ZFR2: variants seen among roughly 807,000 people sequenced by gnomAD.
ZFR2 encodes the protein zinc finger RNA binding protein 2, also known as zinc finger RNA-binding protein 2.
In ZFR2, 104 loss-of-function variants were observed where a neutral mutation model predicts 105.7. The observed-to-expected ratio is 0.98, with a 90% CI of 0.84 to 1.16. The LOEUF (loss-of-function observed/expected upper bound fraction) is 1.16, where lower values mean the gene tolerates loss of function less well. Ranked by LOEUF, ZFR2 falls within the 50% of genes most tolerant of loss-of-function variation. The probability of loss-of-function intolerance (pLI) is 0.00; values close to 1 mark genes in which losing one functional copy is unlikely to be tolerated. For missense variants in ZFR2, 1,425 were observed against 1,355.5 expected (o/e 1.05, Z -0.80); for synonymous variants, 634 against 597.7 (o/e 1.06, Z -0.89).
intron 1 of ZFR2, among the ~76,000 whole-genome samples, chr19:3,860,384 T>C (rs950488907): frequency 2.0e-5 from 3 of 152,056 alleles, no homozygotes; most frequent in African/African-American, 7.2e-5. Context: ...CCGTCTTCTT[T>C]TGAATGGAGT....
At chr19:3,830,566 G>A (rs940941674) in intron 5 of ZFR2, among the ~76,000 whole-genome samples, 2 of 152,136 alleles carry the variant, frequency 1.3e-5, no homozygotes, top group Non-Finnish European at 2.9e-5. Context: ...GGCGGGAGGG[G>A]TCCTGAGCAG....
intron 1 of ZFR2, among the ~76,000 whole-genome samples, chr19:3,835,412 G>A (rs780782101): frequency 8.6e-5 from 13 of 151,624 alleles, no homozygotes; most frequent in Non-Finnish European, 1.0e-4. Context: ...TGCAACCTCC[G>A]CCTCCCAGGT....
rs1394436838 is a variant in ZFR2 at position 3,807,245 on chromosome 19, C to A, written c.2570G>T (p.Cys857Phe). ...LTDGPGLQDP[C>F]ERDQTDALEP... ...GAGGGCATCTGTCTGGTCTCTCTCG[C>A]AGGGATCCTGGAGCCCGGGCCCGTC... The change falls in exon 18 of 19, where the codon TGC (cysteine) becomes TTC (phenylalanine). Residue 857 changes from cysteine to phenylalanine, a missense_variant. Coordinates refer to ENST00000262961, the MANE Select transcript of ZFR2 (RefSeq NM_015174.2). 6.4e-7 allele frequency: 1 copy of A among 1,560,384 alleles called. No individual in the cohort carries two copies. The highest frequency in any genetic ancestry group is 8.7e-7 in the Non-Finnish European group (1 of 1,151,464).
chr19:3,846,344 G>T (rs2038184549), intron 1 of ZFR2, among the ~76,000 whole-genome samples: 1 of 152,204 alleles, frequency 6.6e-6, no homozygotes, highest in South Asian at 2.1e-4. Flanking sequence ...GGATAGGGAG[G>T]GTGGGCTAAT....
intron 1 of ZFR2, chr19:3,855,635 AGGACGCGGCAAG>A: frequency 2.4e-6 from 1 of 415,450 alleles, no homozygotes; most frequent in Non-Finnish European, 4.1e-6. Flanking sequence ...GCCGCCGGGA[AGGACGCGGCAAG>A]GGGGTGTGAG....
At chr19:3,857,932 A>G (rs1359186544) in intron 1 of ZFR2, among the ~76,000 whole-genome samples, 1 of 152,140 alleles carries the variant, frequency 6.6e-6, no homozygotes, top group Non-Finnish European at 1.5e-5. Context: ...CCAGGCTAAC[A>G]TGGACTTACA....
chr19:3,827,765 G>T, intron 5 of ZFR2, 112 bp from the exon 6 acceptor site: 1 of 1,221,230 alleles, frequency 8.2e-7, no homozygotes, highest in Non-Finnish European at 1.1e-6. Context: ...ACAGAGGCCC[G>T]CTGTCCCCAA....
Position 3,834,187 on chromosome 19 carries a change from C to A in ZFR2, c.265-409G>T, listed in dbSNP as rs1444721593. On this transcript the variant is annotated intron_variant, in intron 2 of 18. Coordinates refer to ENST00000262961, the MANE Select transcript of ZFR2 (RefSeq NM_015174.2). This position sits in a 1 kb window ranked among gnomAD's most constrained non-coding sequence, Gnocchi z 5.3. ...CTCTGATGCCGTTGACCGACACAAT[C>A]TGGGGACGAGGTGCGGGTGGCAGAG... 6.6e-6 allele frequency among the ~76,000 whole-genome samples: 1 copy of A among 152,098 alleles called. No individual in the cohort carries two copies.
Position 3,822,142 on chromosome 19 carries a change from A to C in ZFR2, c.1430T>G (p.Phe477Cys), listed in dbSNP as rs1384164597. 2.0e-5 allele frequency: 32 copies of C among 1,610,238 alleles called. No homozygotes were observed. Among genetic ancestry groups the C allele is most frequent in the Non-Finnish European group, 2.5e-5 (30 of 1,178,666 alleles). Reference protein sequence around the residue: ...RFHCKLCECSFNDLNAKDLHV... With the variant: ...RFHCKLCECSCNDLNAKDLHV... ...CAGGTCCTTCGCGTTAAGGTCGTTG[A>C]AACTGCACTCGCACAGCTTGCAGTG... The change falls in exon 9 of 19, where the codon TTC (phenylalanine) becomes TGC (cysteine). Residue 477 changes from phenylalanine (F) to cysteine (C), a missense_variant. Coordinates refer to ENST00000262961, the MANE Select transcript of ZFR2 (RefSeq NM_015174.2).
intron 1 of ZFR2, among the ~76,000 whole-genome samples, chr19:3,856,585 A>G (rs916651523): frequency 6.6e-6 from 1 of 152,092 alleles, no homozygotes; most frequent in Non-Finnish European, 1.5e-5. Context: ...CCCCGGAACC[A>G]CTAATCCATT....
chr19:3,821,001 AGGTCGGGGACACAGGGACACC>A, intron 10 of ZFR2, among the ~76,000 whole-genome samples: 1 of 74,378 alleles, frequency 1.3e-5, no homozygotes, highest in Non-Finnish European at 2.8e-5. Flanking sequence ...GGGACACTAG[AGGTCGGGGACACAGGGACACC>A]GGGGGTCGGG....
intron 3 of ZFR2, 102 bp downstream of exon 3, chr19:3,833,562 C>A: frequency 1.1e-6 from 1 of 927,382 alleles, no homozygotes; most frequent in Non-Finnish European, 1.6e-6. Flanking sequence ...GGCAACAGAG[C>A]GAGACTCTGT....
rs747088888 is a variant in ZFR2, at chr19:3,821,367, T to TGCTCCAGCC, written c.1595_1603dup (p.Arg532_Glu534dup). On this transcript the variant is annotated inframe_insertion, in exon 10 of 19. Coordinates refer to ENST00000262961, the MANE Select transcript of ZFR2 (RefSeq NM_015174.2). ...CCTCTCCGCGTGCCAGCGCCGCAGCTGCTCCAGCCGCTCCTCCGCCAGGTG... is the reference window on the plus strand; with the variant it reads ...CCTCTCCGCGTGCCAGCGCCGCAGCTGCTCCAGCCGCTCCAGCCGCTCCTCCGCCAGGTG... 1 of 1,606,212 alleles carries TGCTCCAGCC rather than the reference T, an allele frequency of 6.2e-7. No homozygotes were observed. The highest frequency in any genetic ancestry group is 1.1e-5 in the South Asian group (1 of 90,374).
At chr19:3,868,251 C>T (rs1453209261) in intron 1 of ZFR2, among the ~76,000 whole-genome samples, 1 of 151,618 alleles carries the variant, frequency 6.6e-6, no homozygotes, top group Non-Finnish European at 1.5e-5. Flanking sequence ...CTTCCTCCTG[C>T]CCAGCCAGGA....
intron 1 of ZFR2, among the ~76,000 whole-genome samples, chr19:3,853,264 G>T (rs1327077429): frequency 1.3e-5 from 2 of 152,172 alleles, no homozygotes; most frequent in African/African-American, 4.8e-5. Flanking sequence ...CCCTCCCCGG[G>T]TTCCCAGCGT....
Position 3,850,838 on chromosome 19 carries a change from G to A in ZFR2, c.54-15855C>T, listed in dbSNP as rs545843475. Among the ~76,000 whole-genome samples, 7 of 148,440 alleles carry A rather than the reference G, an allele frequency of 4.7e-5. No individual in the cohort carries two copies. The Admixed American group carries it at 4.7e-4, about 10-fold the overall frequency. ...GAGGCTCGATTAAGCTCAGGAGATT[G>A]AGGCTGCAGTGAGCTGTGATCTCAC... On this transcript the variant is annotated intron_variant, in intron 1 of 18. Coordinates refer to ENST00000262961, the MANE Select transcript of ZFR2 (RefSeq NM_015174.2).
In ZFR2 at chr19:3,834,522, G is replaced by A. The variant is rs561138794; in HGVS notation, c.264+251C>T. The stretch of plus-strand genomic sequence containing the variant: ...AAGCTGGGACAAAGCTCTGTGCGCC[G>A]TCACTGTCCCCACTGCCCCGACGTG... On this transcript the variant is annotated intron_variant, in intron 2 of 18. Coordinates refer to ENST00000262961, the MANE Select transcript of ZFR2 (RefSeq NM_015174.2). This position sits in a 1 kb window ranked among gnomAD's most constrained non-coding sequence, Gnocchi z 5.3. Among the ~76,000 whole-genome samples, 120 of 152,248 alleles carry A rather than the reference G, an allele frequency of 7.9e-4. 2 individuals carry two copies. In the South Asian group the frequency reaches 0.012, roughly 16 times the overall value.
In ZFR2 at chr19:3,818,911, G is replaced by T. The variant is rs149797335; in HGVS notation, c.1931+134C>A. On this transcript the variant is annotated intron_variant, in intron 12 of 18. Coordinates refer to ENST00000262961, the MANE Select transcript of ZFR2 (RefSeq NM_015174.2). ...GACCTGGGGAACTTCCTACTCCTGG[G>T]GCTGGAAAGCTGCCGCGGGCCACCG... 1,792 of 1,130,924 alleles carry T rather than the reference G, an allele frequency of 1.6e-3. 6 individuals carry two copies. In the Middle Eastern group the frequency reaches 0.017, roughly 11 times the overall value. 70.1% of individuals were successfully genotyped at this position (1,130,924 alleles called of 1,614,324 possible). A position where few individuals can be genotyped will look rare whatever the true frequency, so the allele number is the denominator to read the frequency against.
chr19:3,811,283 T>C lies in ZFR2; in HGVS notation c.2326A>G (p.Arg776Gly), dbSNP rs760664413. 1.3e-6 allele frequency: 2 copies of C among 1,596,452 alleles called. No individual in the cohort carries two copies. Among genetic ancestry groups the C allele is most frequent in the South Asian group, 1.1e-5 (1 of 87,754 alleles). Residue 776 changes from arginine to glycine, a missense_variant, in exon 15 of 19, where the codon AGG (arginine) becomes GGG (glycine). Coordinates refer to ENST00000262961, the MANE Select transcript of ZFR2 (RefSeq NM_015174.2). ...LESLAALRHA[R>G]WFQARASGLQ... is the part of the protein sequence containing the mutation. ...CCTGCCCCCCTGACCTGAAACCACC[T>C]GGCATGACGGAGGGCGGCCAGGGAC...
Sources: gnomAD v4.1 joint callset for allele counts (sites outside exome capture counted in the v4.1 genomes callset) on GRCh38, gnomAD v4.1.1 for gene constraint, Gnocchi (gnomAD v3.1) non-coding constraint, MANE v1.5 for transcripts, NCBI Gene and HGNC (gene_info 2026-07-23, HGNC 2026-07-21) for gene names.